Variants in SLC10A7 observed in about 807,000 individuals in gnomAD.
SLC10A7 encodes solute carrier family 10 member 7.
SLC10A7 carries 29 observed loss-of-function variants against 43.2 expected under a neutral mutation model. The observed-to-expected ratio is 0.67, with a 90% CI of 0.50 to 0.92. The LOEUF (loss-of-function observed/expected upper bound fraction) is 0.92, where lower values mean the gene tolerates loss of function less well. SLC10A7 is among the 40% of genes least tolerant of loss of function. SLC10A7 has a pLI of 0.00. For synonymous variants in SLC10A7, 152 were observed against 144.8 expected (o/e 1.05, Z -0.35); for missense variants, 295 against 403.2 (o/e 0.73, Z 2.30).
At chr4:146,349,798 A>G (rs1005951975) in intron 5 of SLC10A7, among the ~76,000 whole-genome samples, 2 of 152,140 alleles carry the variant, frequency 1.3e-5, no homozygotes, top group Non-Finnish European at 2.9e-5. Context: ...GTTCTCATGG[A>G]CATAAAAATG....
chr4:146,303,939 G>C (rs185181641), intron 7 of SLC10A7, among the ~76,000 whole-genome samples: 1 of 151,488 alleles, frequency 6.6e-6, no homozygotes, highest in Non-Finnish European at 1.5e-5. Flanking sequence ...TAGTAACACT[G>C]CAAATAAAAG....
At chr4:146,488,560 T>C (rs973211917) in intron 4 of SLC10A7, among the ~76,000 whole-genome samples, 30 of 152,218 alleles carry the variant, frequency 2.0e-4, no homozygotes, top group Admixed American at 2.0e-4. Flanking sequence ...TTTTCATCAA[T>C]AGATTTTAAA....
chr4:146,261,439 C>G (rs6818971), intron 10 of SLC10A7, among the ~76,000 whole-genome samples: 3 of 152,204 alleles, frequency 2.0e-5, no homozygotes, highest in African/African-American at 7.2e-5. Context: ...GCTCCAGCTA[C>G]TTTCTGCATT....
At chr4:146,505,566 A>G (rs560586775) in intron 3 of SLC10A7, among the ~76,000 whole-genome samples, 9 of 152,306 alleles carry the variant, frequency 5.9e-5, no homozygotes, top group African/African-American at 2.2e-4. Context: ...GTAAGAACAT[A>G]TTATCTAAAC....
chr4:146,264,349 A>G (rs909572687), intron 10 of SLC10A7, among the ~76,000 whole-genome samples: 6 of 152,138 alleles, frequency 3.9e-5, no homozygotes, highest in African/African-American at 1.4e-4. Flanking sequence ...TTAAATATGG[A>G]CTTTTATTTA....
In SLC10A7 at chr4:146,463,990, T is replaced by A. The variant is rs116137057; in HGVS notation, c.397-21169A>T. The stretch of plus-strand genomic sequence containing the variant: ...GGTATGTGCCACCATACCTAGCTAA[T>A]TTTTTTTTATACTTTTGAGAGATGG... On this transcript the variant is annotated intron_variant, in intron 4 of 11. Transcript: ENST00000335472. Among the ~76,000 whole-genome samples, 1,285 of 151,162 alleles carry A rather than the reference T, an allele frequency of 8.5e-3. 17 individuals carry two copies. Among genetic ancestry groups the A allele is most frequent in the African/African-American group, 0.028 (1,139 of 41,292 alleles).
intron 2 of SLC10A7, among the ~76,000 whole-genome samples, chr4:146,515,631 C>T (rs953864559): frequency 1.3e-5 from 2 of 152,024 alleles, no homozygotes; most frequent in Non-Finnish European, 2.9e-5. Flanking sequence ...CCAATGAGGC[C>T]GGGTGTGGTG....
At chr4:146,485,158 T>C (rs1734805085) in intron 4 of SLC10A7, among the ~76,000 whole-genome samples, 1 of 152,184 alleles carries the variant, frequency 6.6e-6, no homozygotes, top group Non-Finnish European at 1.5e-5. Flanking sequence ...CCAGATCAAA[T>C]GGAGAATTAT....
intron 5 of SLC10A7, among the ~76,000 whole-genome samples, chr4:146,409,353 A>G (rs1433480146): frequency 2.7e-5 from 4 of 149,594 alleles, no homozygotes; most frequent in Admixed American, 1.3e-4. Context: ...AAAAAGCCAC[A>G]CTGTCAAACT....
intron 5 of SLC10A7, among the ~76,000 whole-genome samples, chr4:146,369,609 T>C (rs1310868661): frequency 1.3e-5 from 2 of 152,154 alleles, no homozygotes; most frequent in Non-Finnish European, 2.9e-5. Flanking sequence ...ATGAGGGATC[T>C]CCAGCAGACA....
At chr4:146,286,067 G>T (rs1373955825) in intron 9 of SLC10A7, among the ~76,000 whole-genome samples, 1 of 147,800 alleles carries the variant, frequency 6.8e-6, no homozygotes, top group East Asian at 2.0e-4. Flanking sequence ...ACTGTGTTTG[G>T]AGTGGTGAGA....
At chr4:146,429,666 G>C (rs1729628097) in intron 5 of SLC10A7, among the ~76,000 whole-genome samples, 1 of 152,092 alleles carries the variant, frequency 6.6e-6, no homozygotes, top group African/African-American at 2.4e-5. Context: ...ACACTAACCA[G>C]TTACAATCTA....
At chr4:146,466,968 T>C (rs963770284) in intron 4 of SLC10A7, among the ~76,000 whole-genome samples, 13 of 152,144 alleles carry the variant, frequency 8.5e-5, no homozygotes, top group African/African-American at 2.9e-4. Flanking sequence ...GTTGGGATTG[T>C]CATGGCCCCA....
At chr4:146,457,974 T>C (rs964511674) in intron 4 of SLC10A7, among the ~76,000 whole-genome samples, 2 of 151,800 alleles carry the variant, frequency 1.3e-5, no homozygotes, top group African/African-American at 4.8e-5. Flanking sequence ...ATTCGCCAAA[T>C]CATTTTACGA....
chr4:146,438,023 A>G (rs1730328427), intron 5 of SLC10A7, among the ~76,000 whole-genome samples: 1 of 151,464 alleles, frequency 6.6e-6, no homozygotes, highest in African/African-American at 2.4e-5. Flanking sequence ...AGGAAAGGAA[A>G]AATTACAAGA....
At chr4:146,401,705 C>T (rs940533352) in intron 5 of SLC10A7, among the ~76,000 whole-genome samples, 9 of 152,006 alleles carry the variant, frequency 5.9e-5, no homozygotes, top group Non-Finnish European at 1.2e-4. Flanking sequence ...CTGTGTGATT[C>T]GAAATACCAC....
At chr4:146,499,301 G>A (rs979827741) in intron 4 of SLC10A7, among the ~76,000 whole-genome samples, 6 of 152,100 alleles carry the variant, frequency 3.9e-5, no homozygotes, top group African/African-American at 7.2e-5. Context: ...GTACAGAGCC[G>A]CTACATGCAA....
At chr4:146,456,648 A>G (rs11737379) in intron 4 of SLC10A7, among the ~76,000 whole-genome samples, 30,775 of 151,934 alleles carry the variant, frequency 0.2, 3,183 homozygotes, top group Middle Eastern at 0.23. Flanking sequence ...CAGAGCTTCT[A>G]TGCTCTCTCA....
At chr4:146,349,171 C>A (rs776951452) in intron 5 of SLC10A7, among the ~76,000 whole-genome samples, 3 of 152,026 alleles carry the variant, frequency 2.0e-5, no homozygotes, top group Admixed American at 6.6e-5. Flanking sequence ...CACAACCTAC[C>A]AAATTAACTA....
Sources: allele counts gnomAD v4.1 joint callset (sites outside exome capture counted in the v4.1 genomes callset), GRCh38; gene constraint gnomAD v4.1.1; transcripts MANE v1.5; gene names NCBI Gene and HGNC (gene_info 2026-07-23, HGNC 2026-07-21).